Variants in ALDH9A1 observed in about 807,000 individuals in gnomAD.
ALDH9A1 encodes 4-trimethylaminobutyraldehyde dehydrogenase.
In ALDH9A1, 42 loss-of-function variants were observed where a neutral mutation model predicts 56.6. That is an observed-to-expected ratio of 0.74 (90% CI 0.58 to 0.96). The LOEUF (loss-of-function observed/expected upper bound fraction) is 0.96. ALDH9A1 is among the 40% of genes least tolerant of loss of function. The pLI, the probability that ALDH9A1 is intolerant of heterozygous loss-of-function variation, is 0.00. For synonymous variants in ALDH9A1, 242 were observed against 236.0 expected, an observed-to-expected ratio of 1.03 and a Z score of -0.23; for missense variants, 661 against 651.5, an observed-to-expected ratio of 1.01 and a Z score of -0.16.
At chr1:165,688,954 G>A (rs1397744855) in intron 2 of ALDH9A1, among the ~76,000 whole-genome samples, 1 of 151,456 alleles carries the variant, frequency 6.6e-6, no homozygotes, top group African/African-American at 2.4e-5. Flanking sequence ...TAAAGGGGAG[G>A]GTAAAGTAAA....
intron 2 of ALDH9A1, among the ~76,000 whole-genome samples, chr1:165,685,040 T>C (rs912697393): frequency 6.6e-6 from 1 of 152,196 alleles, no homozygotes; most frequent in Admixed American, 6.5e-5. Context: ...TCTTCTGATA[T>C]AGTACGTAAG....
chr1:165,681,735 C>G (rs561903425), intron 4 of ALDH9A1, among the ~76,000 whole-genome samples: 14 of 152,122 alleles, frequency 9.2e-5, no homozygotes, highest in African/African-American at 3.4e-4. Context: ...TCTTCTGCTT[C>G]GTAAATGAAG....
At chr1:165,664,941 G>C (rs1648960046) in intron 10 of ALDH9A1, 77 bp downstream of exon 10, 1 of 1,148,428 alleles carries the variant, frequency 8.7e-7, no homozygotes, top group Non-Finnish European at 1.3e-6. Context: ...ACAGGTTTAG[G>C]AATACTGGTT....
chr1:165,697,986 GTGCCCC>G (rs1431644329), intron 1 of ALDH9A1, among the ~76,000 whole-genome samples: 1 of 152,132 alleles, frequency 6.6e-6, no homozygotes, highest in African/African-American at 2.4e-5. Context: ...CTCTGAGATG[GTGCCCC>G]TGCACTCCAG....
chr1:165,686,237 G>A (rs1425865246), intron 2 of ALDH9A1, among the ~76,000 whole-genome samples: 1 of 152,182 alleles, frequency 6.6e-6, no homozygotes, highest in Non-Finnish European at 1.5e-5. Flanking sequence ...AATGAGGTGA[G>A]CCCTACAATT....
chr1:165,686,326 T>C (rs970006373), intron 2 of ALDH9A1, among the ~76,000 whole-genome samples: 7 of 151,708 alleles, frequency 4.6e-5, no homozygotes, highest in Non-Finnish European at 7.4e-5. Context: ...AGCAGACACA[T>C]GAGTTGAGAA....
intron 2 of ALDH9A1, 76 bp downstream of exon 2, chr1:165,695,176 A>G: frequency 6.8e-7 from 1 of 1,462,152 alleles, no homozygotes. Context: ...ATGTTGCAAC[A>G]AAGTCGAACT....
At chr1:165,672,814 A>G (rs986800957) in intron 6 of ALDH9A1, among the ~76,000 whole-genome samples, 3 of 151,900 alleles carry the variant, frequency 2.0e-5, no homozygotes, top group African/African-American at 7.3e-5. Context: ...CCACATGCCT[A>G]TAGTCCCAGC....
At chr1:165,681,576 A>C (rs1649553232) in intron 4 of ALDH9A1, among the ~76,000 whole-genome samples, 1 of 152,250 alleles carries the variant, frequency 6.6e-6, no homozygotes, top group South Asian at 2.1e-4. Flanking sequence ...TTCTAAGATA[A>C]AATTAGTCTT....
rs142051244 is a variant in ALDH9A1 at position 165,665,096 on chromosome 1, G to A, written c.1384C>T (p.Leu462Phe). ...IQRAHRVVAELQAGTCFINNY... is the reference protein window; with the variant it reads ...IQRAHRVVAEFQAGTCFINNY... ...TTAATGAAGCACGTCCCAGCCTGAA[G>A]CTCAGCTACCACTCTATGAGCCCGT... Residue 462 changes from leucine (L) to phenylalanine (F), a missense_variant, in exon 10 of 11, where the codon CTT becomes TTT. Leu to Phe is a conservative substitution (Grantham distance 22). Coordinates refer to ENST00000354775, the MANE Select transcript of ALDH9A1 (RefSeq NM_000696.4). The A allele has an allele frequency of 1.2e-6, 2 of 1,613,664 alleles. No individual in the cohort carries two copies. Among genetic ancestry groups the A allele is most frequent in the Non-Finnish European group, 1.7e-6 (2 of 1,179,894 alleles).
chr1:165,680,322 A>G (rs973425707), intron 5 of ALDH9A1, among the ~76,000 whole-genome samples, 165 bp downstream of exon 5: 1 of 151,932 alleles, frequency 6.6e-6, no homozygotes, highest in Non-Finnish European at 1.5e-5. Flanking sequence ...CCCCCTTCAT[A>G]CTTTTACAGG....
At chr1:165,691,652 T>C (rs762943412) in intron 2 of ALDH9A1, among the ~76,000 whole-genome samples, 7 of 152,180 alleles carry the variant, frequency 4.6e-5, no homozygotes, top group African/African-American at 9.7e-5. Context: ...CTACCAGAGA[T>C]ACAAAGATGA....
intron 1 of ALDH9A1, 150 bp downstream of exon 1, chr1:165,698,228 G>A (rs1210891748): frequency 3.6e-6 from 5 of 1,373,524 alleles, no homozygotes; most frequent in Non-Finnish European, 4.7e-6. Flanking sequence ...CCCCAGAATC[G>A]CTAGTTGCCT....
At position 165,662,900 on chromosome 1, in the gene ALDH9A1, G is replaced by A; in HGVS notation, c.*150C>T. On this transcript the variant is annotated 3_prime_UTR_variant, in exon 11 of 11. Coordinates refer to ENST00000354775, the MANE Select transcript of ALDH9A1 (RefSeq NM_000696.4). The stretch of plus-strand genomic sequence containing the variant: ...GCACATTTTCAGTGAGGAAGCTGAT[G>A]GAGAGAGAAAGAGTAACATGAACCA... 1 of 650,508 alleles carries A rather than the reference G, an allele frequency of 1.5e-6. No homozygotes were observed. The highest frequency in any genetic ancestry group is 2.7e-6 in the Non-Finnish European group (1 of 365,896). 40.3% of individuals were successfully genotyped at this position (650,508 alleles called of 1,614,324 possible).
chr1:165,695,206 C>G, intron 2 of ALDH9A1, 46 bp downstream of exon 2: 1 of 1,548,044 alleles, frequency 6.5e-7, no homozygotes, highest in Non-Finnish European at 8.7e-7. Context: ...ACAAAGAAAC[C>G]TCAGAGCAAT....
Position 165,669,393 on chromosome 1 carries a change from CTG to C in ALDH9A1, c.986_987del (p.Thr329ArgfsTer11), listed in dbSNP as rs909295447. The C allele has an allele frequency of 1.2e-6, 2 of 1,613,844 alleles. No individual in the cohort carries two copies. Among genetic ancestry groups the C allele is most frequent in the African/African-American group, 2.7e-5 (2 of 74,914 alleles). On this transcript the variant is annotated frameshift_variant, in exon 7 of 11. Coordinates refer to ENST00000354775, the MANE Select transcript of ALDH9A1 (RefSeq NM_000696.4). LOFTEE classifies it high-confidence loss of function. The part of the protein sequence containing the change: ...FVQKEILDKF[T>X]EEVVKQTQRI... ...CTTTGGGTCTGTTTCACCACTTCCT[CTG>C]TAAATTTATCAAGAATTTCTTTCTG...
chr1:165,663,376 C>A (rs1648903935), intron 10 of ALDH9A1, among the ~76,000 whole-genome samples: 1 of 152,148 alleles, frequency 6.6e-6, no homozygotes, highest in South Asian at 2.1e-4. Context: ...TTGTTTCTCA[C>A]CAATAGGAAT....
At chr1:165,690,853 C>G (rs1483956227) in intron 2 of ALDH9A1, among the ~76,000 whole-genome samples, 1 of 152,192 alleles carries the variant, frequency 6.6e-6, no homozygotes, top group East Asian at 1.9e-4. Flanking sequence ...GTAAACAAAG[C>G]AGCCAGGAAG....
At chr1:165,676,384 C>A in intron 6 of ALDH9A1, 1 of 184,212 alleles carries the variant, frequency 5.4e-6, no homozygotes, top group South Asian at 1.1e-4. Context: ...TGGAGTTGTT[C>A]CTTGGGCCAC....
Sources: allele counts gnomAD v4.1 joint callset (sites outside exome capture counted in the v4.1 genomes callset), GRCh38; gene constraint gnomAD v4.1.1; transcripts MANE v1.5; gene names NCBI Gene and HGNC (gene_info 2026-07-23, HGNC 2026-07-21).